PRKCE: variants seen among roughly 807,000 people sequenced by gnomAD.
The protein encoded by PRKCE is protein kinase C epsilon.
Under a neutral mutation model 85.4 loss-of-function variants are expected in PRKCE, and 16 were observed. The observed-to-expected ratio is 0.19, with a 90% confidence interval of 0.13 to 0.28. The LOEUF is 0.28. PRKCE is among the 10% of genes least tolerant of loss of function. The probability of loss-of-function intolerance (pLI) is 1.00; values close to 1 mark genes in which losing one functional copy is unlikely to be tolerated. For missense variants in PRKCE, 573 were observed against 975.2 expected, an observed-to-expected ratio of 0.59 and a Z score of 5.49; for synonymous variants, 388 against 371.5, an observed-to-expected ratio of 1.04 and a Z score of -0.51.
At chr2:46,121,875 C>G (rs980029569) in intron 11 of PRKCE, among the ~76,000 whole-genome samples, 1 of 152,220 alleles carries the variant, frequency 6.6e-6, no homozygotes, top group African/African-American at 2.4e-5. Flanking sequence ...AGTCAGCTCA[C>G]TCAGCTGGAT....
chr2:45,840,819 A>C (rs1303613135), intron 1 of PRKCE, among the ~76,000 whole-genome samples: 2 of 152,172 alleles, frequency 1.3e-5, no homozygotes, highest in African/African-American at 4.8e-5. Flanking sequence ...AGTTTGGAGA[A>C]CACCATTCCA....
chr2:46,098,235 C>G (rs187131788), intron 11 of PRKCE, among the ~76,000 whole-genome samples: 295 of 152,274 alleles, frequency 1.9e-3, no homozygotes, highest in African/African-American at 6.5e-3. Context: ...AACCCTGCCT[C>G]TGCGCTCATT....
chr2:45,661,888 A>C (rs1447827916), intron 1 of PRKCE, among the ~76,000 whole-genome samples: 2 of 151,842 alleles, frequency 1.3e-5, no homozygotes, highest in Non-Finnish European at 2.9e-5. Context: ...CTAATTATTG[A>C]GGAGAAAAAT....
chr2:45,897,860 G>A (rs1487969135), intron 2 of PRKCE, among the ~76,000 whole-genome samples: 1 of 152,206 alleles, frequency 6.6e-6, no homozygotes, highest in Non-Finnish European at 1.5e-5. Flanking sequence ...GAGTTAAGAA[G>A]TGGCTTTTAA....
chr2:45,930,119 A>T (rs911909571), intron 2 of PRKCE, among the ~76,000 whole-genome samples: 8 of 152,354 alleles, frequency 5.3e-5, no homozygotes, highest in African/African-American at 1.9e-4. Context: ...CAGTCAGATG[A>T]CGCCTCCATC....
chr2:45,912,403 A>T (rs1165495021), intron 2 of PRKCE, among the ~76,000 whole-genome samples: 1 of 152,146 alleles, frequency 6.6e-6, no homozygotes, highest in Non-Finnish European at 1.5e-5. Context: ...GAAGAAAAGC[A>T]CACGTTGCCA....
intron 10 of PRKCE, among the ~76,000 whole-genome samples, chr2:46,011,707 A>G (rs897387516): frequency 6.6e-6 from 1 of 152,130 alleles, no homozygotes; most frequent in African/African-American, 2.4e-5. Flanking sequence ...TGAAAACAAA[A>G]TTACCTTTGT....
At chr2:46,073,937 G>A (rs985091133) in intron 10 of PRKCE, 9 of 152,130 alleles carry the variant, frequency 5.9e-5, no homozygotes, top group African/African-American at 1.9e-4. Context: ...CTGAACAGAT[G>A]CTCTCACGTG....
At chr2:45,867,868 C>G (rs1194451995) in intron 2 of PRKCE, among the ~76,000 whole-genome samples, 1 of 152,144 alleles carries the variant, frequency 6.6e-6, no homozygotes, top group East Asian at 1.9e-4. Context: ...GGCCTTTCAT[C>G]CTACCTCATC....
intron 1 of PRKCE, among the ~76,000 whole-genome samples, chr2:45,832,794 A>G (rs537678139): frequency 1.3e-5 from 2 of 152,174 alleles, no homozygotes; most frequent in Non-Finnish European, 2.9e-5. Flanking sequence ...TCTTCTGCAA[A>G]TTGTGAGGAT....
chr2:45,683,789 C>CT (rs1364173871), intron 1 of PRKCE, among the ~76,000 whole-genome samples: 3 of 152,218 alleles, frequency 2.0e-5, no homozygotes, highest in Non-Finnish European at 4.4e-5. Flanking sequence ...GTCCTCCCAG[C>CT]TATACTCCAC....
chr2:45,914,724 T>C (rs551923505), intron 2 of PRKCE, among the ~76,000 whole-genome samples: 23 of 152,320 alleles, frequency 1.5e-4, no homozygotes, highest in East Asian at 3.9e-4. Context: ...AAGTCTTTCA[T>C]TGATGGCAAG....
intron 1 of PRKCE, among the ~76,000 whole-genome samples, chr2:45,686,625 T>G (rs953690850): frequency 3.3e-5 from 5 of 152,178 alleles, no homozygotes; most frequent in African/African-American, 2.4e-5. Context: ...GCTTCATTCA[T>G]AGTCAGGATA....
intron 10 of PRKCE, among the ~76,000 whole-genome samples, chr2:46,027,869 G>A (rs1289612380): frequency 6.6e-6 from 1 of 152,144 alleles, no homozygotes; most frequent in East Asian, 1.9e-4. Context: ...AAGACCAGGG[G>A]GTTATCTACA....
chr2:46,106,937 A>G (rs1671775960), intron 11 of PRKCE, among the ~76,000 whole-genome samples: 1 of 152,256 alleles, frequency 6.6e-6, no homozygotes, highest in South Asian at 2.1e-4. Context: ...TCATACATTT[A>G]TAATACAGAT....
chr2:45,991,859 G>A (rs1486543200), intron 6 of PRKCE, among the ~76,000 whole-genome samples: 1 of 152,154 alleles, frequency 6.6e-6, no homozygotes, highest in Non-Finnish European at 1.5e-5. Flanking sequence ...AATTTGTGTG[G>A]CTTGCATGGT....
At chr2:45,877,721 T>A (rs1250443551) in intron 2 of PRKCE, among the ~76,000 whole-genome samples, 2 of 148,242 alleles carry the variant, frequency 1.3e-5, no homozygotes, top group East Asian at 4.2e-4. Context: ...TTTGTTGTTC[T>A]TATGGTTTTC....
At position 45,681,550 on chromosome 2, in the gene PRKCE, G is replaced by A. The variant is rs576550163; in HGVS notation, c.348+29102G>A. ...GCCAGCCAAAATTGTTTTGGTTTTG[G>A]TGCTTCCACCTGTGATTAATGTCCC... On this transcript the variant is annotated intron_variant, in intron 1 of 14. Coordinates refer to ENST00000306156, the MANE Select transcript of PRKCE (RefSeq NM_005400.3). 1.6e-4 allele frequency among the ~76,000 whole-genome samples: 24 copies of A among 152,222 alleles called. No individual in the cohort carries two copies. In the South Asian group the frequency reaches 3.1e-3, roughly 20 times the overall value.
chr2:45,793,757 C>G (rs1687203846), intron 1 of PRKCE, among the ~76,000 whole-genome samples: 2 of 152,148 alleles, frequency 1.3e-5, no homozygotes, highest in East Asian at 3.8e-4. Flanking sequence ...TTAAATTTCC[C>G]CCTAGATATG....
Sources: gnomAD v4.1 joint callset for allele counts (sites outside exome capture counted in the v4.1 genomes callset) on GRCh38, gnomAD v4.1.1 for gene constraint, MANE v1.5 for transcripts, NCBI Gene and HGNC (gene_info 2026-07-23, HGNC 2026-07-21) for gene names.